Variants in ATP9B observed in about 807,000 individuals in gnomAD.
The protein encoded by ATP9B is ATPase phospholipid transporting 9B, also known as probable phospholipid-transporting ATPase IIB.
In ATP9B, 110 loss-of-function variants were observed where a neutral mutation model predicts 146.1. That is an observed-to-expected ratio of 0.75 (90% CI 0.65 to 0.88). ATP9B has a LOEUF of 0.88. ATP9B is among the 40% of genes least tolerant of loss of function. ATP9B has a pLI of 0.00. For missense variants in ATP9B, 1,499 were observed against 1,496.4 expected, an observed-to-expected ratio of 1.00 and a Z score of -0.03; for synonymous variants, 604 against 569.7, an observed-to-expected ratio of 1.06 and a Z score of -0.86.
chr18:79,119,796 C>T (rs1027825721), intron 4 of ATP9B, among the ~76,000 whole-genome samples: 4 of 152,178 alleles, frequency 2.6e-5, no homozygotes, highest in Non-Finnish European at 4.4e-5. Context: ...TATGCTTTCT[C>T]TGTTTATATG....
chr18:79,144,147 CA>C (rs1222046030), intron 6 of ATP9B: 1 of 215,384 alleles, frequency 4.6e-6, no homozygotes, highest in Non-Finnish European at 9.1e-6. Flanking sequence ...GAATTGTATT[CA>C]AACCTGTTCA....
In ATP9B at chr18:79,110,515, T is replaced by C. The variant is rs2075935689; in HGVS notation, c.444+10T>C. On this transcript the variant is annotated intron_variant, in intron 3 of 29. Coordinates refer to ENST00000426216, the MANE Select transcript of ATP9B (RefSeq NM_198531.5). Reference sequence around the variant, plus strand: ...TACCTTTATACCTGGGGTAAGACTATTGCATTCTTGGAGATGGGTTGTGTG... The same window carrying C: ...TACCTTTATACCTGGGGTAAGACTACTGCATTCTTGGAGATGGGTTGTGTG... The C allele has an allele frequency of 6.3e-7, 1 of 1,596,116 alleles. No individual in the cohort carries two copies. The highest frequency in any genetic ancestry group is 8.5e-7 in the Non-Finnish European group (1 of 1,172,936).
intron 11 of ATP9B, among the ~76,000 whole-genome samples, chr18:79,233,406 A>G (rs894234825): frequency 1.3e-5 from 2 of 152,370 alleles, no homozygotes; most frequent in Non-Finnish European, 2.9e-5. Flanking sequence ...CCACAAATCC[A>G]TGAAGCTCAG....
At chr18:79,265,091 G>A (rs961677351) in intron 12 of ATP9B, among the ~76,000 whole-genome samples, 1 of 152,154 alleles carries the variant, frequency 6.6e-6, no homozygotes, top group Admixed American at 6.5e-5. Context: ...AGGCCCCAGT[G>A]TGCGTTGTTC....
At chr18:79,278,805 C>T (rs1483070512) in intron 13 of ATP9B, among the ~76,000 whole-genome samples, 1 of 151,972 alleles carries the variant, frequency 6.6e-6, no homozygotes, top group Non-Finnish European at 1.5e-5. Context: ...TTAGGATTTT[C>T]CCTTCCCAAC....
chr18:79,169,337 C>A (rs1380490711), intron 7 of ATP9B, among the ~76,000 whole-genome samples: 1 of 152,160 alleles, frequency 6.6e-6, no homozygotes, highest in African/African-American at 2.4e-5. Flanking sequence ...TGTCACCTAA[C>A]ACTGTTAAGG....
intron 1 of ATP9B, among the ~76,000 whole-genome samples, chr18:79,072,691 G>C (rs370586843): frequency 6.9e-6 from 1 of 144,210 alleles, no homozygotes; most frequent in East Asian, 2.0e-4. Flanking sequence ...GGCGGCTGCC[G>C]GGTGGGGGCG....
intron 2 of ATP9B, among the ~76,000 whole-genome samples, chr18:79,100,076 G>A (rs113291609): frequency 3.9e-5 from 6 of 152,154 alleles, no homozygotes; most frequent in Non-Finnish European, 8.8e-5. Flanking sequence ...GCAGTGAGCC[G>A]AGATCATGCC....
chr18:79,242,134 A>C (rs1437238878), intron 11 of ATP9B, among the ~76,000 whole-genome samples: 1 of 152,222 alleles, frequency 6.6e-6, no homozygotes, highest in Non-Finnish European at 1.5e-5. Context: ...TTAATTCGCT[A>C]AATCCAAGCG....
rs1419558521 is a variant in ATP9B, at chr18:79,376,043, G to T, written c.3307+617G>T. On this transcript the variant is annotated intron_variant, in intron 29 of 29. Coordinates refer to ENST00000426216, the MANE Select transcript of ATP9B (RefSeq NM_198531.5). ...GAGATGCTGGGAGGGTGACAGGCGA[G>T]AACATTCTCTGGGTGGGCCGGGCTC... 3 of 985,234 alleles carry T rather than the reference G, an allele frequency of 3.0e-6. No individual in the cohort carries two copies. The East Asian group carries it at 3.4e-4, about 112-fold the overall frequency. The allele number at this position is 985,234 out of a possible 1,614,324, so 61.0% of individuals were successfully genotyped here.
At chr18:79,251,227 C>T (rs1452781148) in intron 11 of ATP9B, among the ~76,000 whole-genome samples, 2 of 152,220 alleles carry the variant, frequency 1.3e-5, no homozygotes, top group African/African-American at 2.4e-5. Context: ...CGCCCCACCC[C>T]GCTGAATGCG....
Position 79,196,757 on chromosome 18 carries a change from A to T in ATP9B, c.954+3494A>T, listed in dbSNP as rs546531652. On this transcript the variant is annotated intron_variant, in intron 9 of 29. Coordinates refer to ENST00000426216, the MANE Select transcript of ATP9B (RefSeq NM_198531.5). ...TTGGATCAGAAAGCCTAAAGGAAAGATATATCAAGCAAATACAAATAAAAA... is the reference window on the plus strand; with the variant it reads ...TTGGATCAGAAAGCCTAAAGGAAAGTTATATCAAGCAAATACAAATAAAAA... Among the ~76,000 whole-genome samples the T allele has an allele frequency of 2.0e-5, 3 of 152,380 alleles. No homozygotes were observed. The East Asian group carries it at 5.8e-4, about 29-fold the overall frequency.
intron 25 of ATP9B, among the ~76,000 whole-genome samples, chr18:79,355,276 T>C (rs564264395): frequency 6.6e-6 from 1 of 152,038 alleles, no homozygotes; most frequent in East Asian, 1.9e-4. Context: ...TCAAGGTGAA[T>C]GGAAAAAAGA....
intron 12 of ATP9B, among the ~76,000 whole-genome samples, chr18:79,256,261 A>G (rs996658538): frequency 8.3e-6 from 1 of 121,084 alleles, no homozygotes; most frequent in South Asian, 2.4e-4. Flanking sequence ...AGCTAGCTAT[A>G]TATATATATA....
rs145242122 is a variant in ATP9B, at chr18:79,247,189, T to G, written c.1108-6192T>G. ...ATGTGCTGACCTTTCATATATTGAT[T>G]TACTTTGCGAAGGTTCTAATATATC... On this transcript the variant is annotated intron_variant, in intron 11 of 29. Coordinates refer to ENST00000426216, the MANE Select transcript of ATP9B (RefSeq NM_198531.5). 2.4e-3 allele frequency among the ~76,000 whole-genome samples: 366 copies of G among 152,358 alleles called. 2 individuals carry two copies. The highest frequency in any genetic ancestry group is 6.4e-3 in the South Asian group (31 of 4,830).
rs189049473 is a variant in ATP9B, at chr18:79,295,965, T to C, written c.1412-7639T>C. On this transcript the variant is annotated intron_variant, in intron 13 of 29. Coordinates refer to ENST00000426216, the MANE Select transcript of ATP9B (RefSeq NM_198531.5). ...GTTTGTTGTTTATAAACCACTTGGT[T>C]TATGGTATTTTTTAATTTTAATTTT... Among the ~76,000 whole-genome samples the C allele has an allele frequency of 3.5e-3, 529 of 152,318 alleles. 1 individual carries two copies. The highest frequency in any genetic ancestry group is 0.01 in the Middle Eastern group (3 of 294).
chr18:79,140,661 A>G (rs868594568), intron 5 of ATP9B, among the ~76,000 whole-genome samples: 1 of 152,228 alleles, frequency 6.6e-6, no homozygotes, highest in African/African-American at 2.4e-5. Context: ...GGTGCTTGTA[A>G]TCCAGCTACT....
chr18:79,350,679 G>A (rs2096917726), intron 25 of ATP9B, among the ~76,000 whole-genome samples: 1 of 152,066 alleles, frequency 6.6e-6, no homozygotes, highest in African/African-American at 2.4e-5. Flanking sequence ...TTCAAACAAA[G>A]GTGAAAAATC....
chr18:79,140,101 CTG>C (rs1396538359), intron 5 of ATP9B, among the ~76,000 whole-genome samples: 1 of 151,990 alleles, frequency 6.6e-6, no homozygotes, highest in Non-Finnish European at 1.5e-5. Context: ...GTTAGACTTG[CTG>C]TGTCATTAAG....
Sources: allele counts gnomAD v4.1 joint callset (sites outside exome capture counted in the v4.1 genomes callset), GRCh38; gene constraint gnomAD v4.1.1; transcripts MANE v1.5; gene names NCBI Gene and HGNC (gene_info 2026-07-23, HGNC 2026-07-21).